The following IQGAP2 variants were observed in gnomAD, a reference collection of about 807,000 sequenced individuals.
IQGAP2 encodes ras GTPase-activating-like protein IQGAP2.
Under a neutral mutation model 201.3 loss-of-function variants are expected in IQGAP2, and 173 were observed. That is an observed-to-expected ratio of 0.86 (90% CI 0.76 to 0.98). The LOEUF is 0.98. Among genes scored for constraint, IQGAP2 ranks in the 50% least tolerant of loss-of-function variants. The pLI, the probability that IQGAP2 is intolerant of heterozygous loss-of-function variation, is 0.00. For synonymous variants in IQGAP2, 675 were observed against 673.9 expected, an observed-to-expected ratio of 1.00 and a Z score of -0.03; for missense variants, 1,687 against 1,864.8, an observed-to-expected ratio of 0.90 and a Z score of 1.76.
intron 33 of IQGAP2, among the ~76,000 whole-genome samples, chr5:76,700,790 A>T (rs1303104260): frequency 6.6e-6 from 1 of 152,226 alleles, no homozygotes; most frequent in Non-Finnish European, 1.5e-5. Flanking sequence ...AAAGATAGCC[A>T]CTTGGTTCAA....
chr5:76,501,343 A>G (rs1757260768), intron 2 of IQGAP2, among the ~76,000 whole-genome samples: 1 of 152,154 alleles, frequency 6.6e-6, no homozygotes, highest in Non-Finnish European at 1.5e-5. Flanking sequence ...GTGGGGGGGC[A>G]TCACTTGAGC....
chr5:76,489,265 T>TA (rs1444082788), intron 2 of IQGAP2, among the ~76,000 whole-genome samples: 2 of 152,174 alleles, frequency 1.3e-5, no homozygotes, highest in Non-Finnish European at 2.9e-5. Flanking sequence ...CCAGTGAGTG[T>TA]CTCTGGAGGC....
chr5:76,561,699 A>G (rs1359700873), intron 2 of IQGAP2, among the ~76,000 whole-genome samples: 1 of 152,222 alleles, frequency 6.6e-6, no homozygotes, highest in Non-Finnish European at 1.5e-5. Context: ...TCCTTGAGCC[A>G]GTAATGACCT....
intron 16 of IQGAP2, 95 bp from the exon 17 acceptor site, chr5:76,640,838 A>ATAT: frequency 1.1e-6 from 1 of 926,518 alleles, no homozygotes. Context: ...GGAGACATCC[A>ATAT]TATTATTTTC....
At chr5:76,502,899 C>A (rs375545708) in intron 2 of IQGAP2, among the ~76,000 whole-genome samples, 6 of 144,168 alleles carry the variant, frequency 4.2e-5, no homozygotes, top group African/African-American at 1.6e-4. Flanking sequence ...CCACAGCTGG[C>A]TATTTTTTTT....
intron 2 of IQGAP2, among the ~76,000 whole-genome samples, chr5:76,544,478 T>G (rs1393389554): frequency 1.3e-5 from 2 of 151,700 alleles, no homozygotes. Flanking sequence ...CAAGGACATA[T>G]AGCCAAGCAC....
Position 76,403,480 on chromosome 5 carries a change from G to T in IQGAP2, c.-66G>T. The T allele has an allele frequency of 1.6e-6, 2 of 1,280,908 alleles. No homozygotes were observed. The highest frequency in any genetic ancestry group is 1.8e-5 in the South Asian group (1 of 54,172). 79.3% of individuals were successfully genotyped at this position (1,280,908 alleles called of 1,614,324 possible). ...AGCGCGCCGGCGGGGCGCAGAGCCCGCGAGCCTGGCCAGCGAGGGTAGCCG... is the reference window on the plus strand; with the variant it reads ...AGCGCGCCGGCGGGGCGCAGAGCCCTCGAGCCTGGCCAGCGAGGGTAGCCG... On this transcript the variant is annotated 5_prime_UTR_variant, in exon 1 of 36. Coordinates refer to ENST00000274364, the MANE Select transcript of IQGAP2 (RefSeq NM_006633.5). This position sits in a 1 kb window ranked among gnomAD's most constrained non-coding sequence, Gnocchi z 4.8.
chr5:76,663,954 T>C (rs1337477921), intron 21 of IQGAP2, among the ~76,000 whole-genome samples: 4 of 152,268 alleles, frequency 2.6e-5, no homozygotes, highest in Non-Finnish European at 4.4e-5. Context: ...GGTTTAATCT[T>C]CTATCCATTC....
At chr5:76,566,507 A>G (rs1190855201) in intron 3 of IQGAP2, among the ~76,000 whole-genome samples, 2 of 152,256 alleles carry the variant, frequency 1.3e-5, no homozygotes, top group East Asian at 1.9e-4. Flanking sequence ...AAGAGCAGAG[A>G]TGAGATTGCA....
chr5:76,657,509 C>T (rs1742855329), intron 20 of IQGAP2, among the ~76,000 whole-genome samples: 1 of 152,126 alleles, frequency 6.6e-6, no homozygotes. Flanking sequence ...CAAAACACCA[C>T]AGAACTAAGG....
At chr5:76,428,877 G>A (rs998403709) in intron 1 of IQGAP2, among the ~76,000 whole-genome samples, 2 of 151,732 alleles carry the variant, frequency 1.3e-5, no homozygotes, top group African/African-American at 4.8e-5. Context: ...CAGATCACCT[G>A]AGGTCAGGAG....
intron 31 of IQGAP2, among the ~76,000 whole-genome samples, chr5:76,694,641 A>G (rs1484566672): frequency 6.6e-6 from 1 of 152,216 alleles, no homozygotes; most frequent in Non-Finnish European, 1.5e-5. Flanking sequence ...AGTGCTCAAC[A>G]ATGTTGGCTG....
At chr5:76,439,415 A>G (rs1160070452) in intron 1 of IQGAP2, among the ~76,000 whole-genome samples, 1 of 152,116 alleles carries the variant, frequency 6.6e-6, no homozygotes, top group Non-Finnish European at 1.5e-5. Flanking sequence ...TGCTTTGATG[A>G]TCTGTCTAGT....
intron 8 of IQGAP2, among the ~76,000 whole-genome samples, 188 bp downstream of exon 8, chr5:76,590,774 CCCTATA>C (rs1310472657): frequency 2.0e-5 from 3 of 152,018 alleles, no homozygotes; most frequent in Non-Finnish European, 4.4e-5. Flanking sequence ...TAGATTATAT[CCCTATA>C]TAAGGCATAA....
chr5:76,432,447 A>G (rs1158651636), intron 1 of IQGAP2, among the ~76,000 whole-genome samples: 1 of 152,116 alleles, frequency 6.6e-6, no homozygotes, highest in Non-Finnish European at 1.5e-5. Context: ...TTTCTGAGCT[A>G]ATCTTCTGGG....
At chr5:76,441,079 G>A (rs1753004479) in intron 1 of IQGAP2, among the ~76,000 whole-genome samples, 1 of 150,706 alleles carries the variant, frequency 6.6e-6, no homozygotes, top group East Asian at 1.9e-4. Context: ...CTGCATTGAT[G>A]ACAATCTAGG....
At chr5:76,535,888 G>C (rs1759594052) in intron 2 of IQGAP2, among the ~76,000 whole-genome samples, 1 of 152,118 alleles carries the variant, frequency 6.6e-6, no homozygotes, top group Non-Finnish European at 1.5e-5. Context: ...TTTATGACTA[G>C]AGGAGGTGAG....
intron 2 of IQGAP2, among the ~76,000 whole-genome samples, chr5:76,464,443 TCTACTAAATTGTATGCTTGTA>T (rs1439962467): frequency 6.6e-6 from 1 of 152,224 alleles, no homozygotes; most frequent in Non-Finnish European, 1.5e-5. Context: ...ATATTGAGTT[TCTACTAAATTGTATGCTTGTA>T]CTGTATATAT....
At chr5:76,650,864 T>C (rs1432496976) in intron 17 of IQGAP2, among the ~76,000 whole-genome samples, 1 of 152,238 alleles carries the variant, frequency 6.6e-6, no homozygotes, top group African/African-American at 2.4e-5. Context: ...GTGAACATTT[T>C]ACTGGATGCA....
Sources: allele counts gnomAD v4.1 joint callset (sites outside exome capture counted in the v4.1 genomes callset), GRCh38; gene constraint gnomAD v4.1.1; non-coding constraint Gnocchi (gnomAD v3.1); transcripts MANE v1.5; gene names NCBI Gene and HGNC (gene_info 2026-07-23, HGNC 2026-07-21).